The following KCND2 variants were observed in gnomAD, a reference collection of about 807,000 sequenced individuals.
KCND2 encodes the protein potassium voltage-gated channel subfamily D member 2.
KCND2 carries 16 observed loss-of-function variants against 54.4 expected under a neutral mutation model. The observed-to-expected ratio is 0.29, with a 90% CI of 0.20 to 0.45. The LOEUF is 0.45. KCND2 is among the 20% of genes least tolerant of loss of function. The probability of loss-of-function intolerance (pLI) is 1.00; values close to 1 mark genes in which losing one functional copy is unlikely to be tolerated. For synonymous variants in KCND2, 317 were observed against 310.7 expected (o/e 1.02, Z -0.21); for missense variants, 486 against 824.2 (o/e 0.59, Z 5.02).
At chr7:120,662,478 T>C (rs898044901) in intron 1 of KCND2, among the ~76,000 whole-genome samples, 1 of 152,218 alleles carries the variant, frequency 6.6e-6, no homozygotes, top group Non-Finnish European at 1.5e-5. Context: ...CATTCCATTC[T>C]TTGTGATGCA....
At chr7:120,396,802 A>G (rs1188284898) in intron 1 of KCND2, among the ~76,000 whole-genome samples, 2 of 152,178 alleles carry the variant, frequency 1.3e-5, no homozygotes, top group African/African-American at 2.4e-5. Flanking sequence ...CTTACATACC[A>G]CAGACATTAT....
chr7:120,592,882 A>AT (rs1792688818), intron 1 of KCND2, among the ~76,000 whole-genome samples: 1 of 152,178 alleles, frequency 6.6e-6, no homozygotes, highest in African/African-American at 2.4e-5. Context: ...TAATACATTT[A>AT]TTTTATGAAA....
At chr7:120,294,144 T>A (rs1799475644) in intron 1 of KCND2, among the ~76,000 whole-genome samples, 1 of 152,004 alleles carries the variant, frequency 6.6e-6, no homozygotes, top group African/African-American at 2.4e-5. Context: ...CATGGAGGCT[T>A]GTTTATTTCA....
intron 1 of KCND2, among the ~76,000 whole-genome samples, chr7:120,595,463 ATAT>A (rs1562883155): frequency 3.5e-5 from 4 of 112,834 alleles, no homozygotes; most frequent in African/African-American, 9.5e-5. Context: ...AAAAAAAAAT[ATAT>A]ATATATATAT....
chr7:120,490,870 G>A (rs1802768766), intron 1 of KCND2, among the ~76,000 whole-genome samples: 1 of 152,164 alleles, frequency 6.6e-6, no homozygotes, highest in Admixed American at 6.6e-5. Context: ...TCCTGCTAAA[G>A]TAAGTAAACC....
Position 120,420,920 on chromosome 7 carries a change from A to T in KCND2, c.1115+145173A>T, listed in dbSNP as rs73722602. Among the ~76,000 whole-genome samples the T allele has an allele frequency of 4.9e-3, 748 of 152,284 alleles. 6 individuals are homozygous for T. Among genetic ancestry groups the T allele is most frequent in the African/African-American group, 0.017 (707 of 41,558 alleles). ...CTATGTGACATCGGCAGAGACTTGT[A>T]AGAGAACAAATTGAACTGTGGAGTG... is the stretch of plus-strand genomic sequence containing the variant. On this transcript the variant is annotated intron_variant, in intron 1 of 5. Coordinates refer to ENST00000331113, the MANE Select transcript of KCND2 (RefSeq NM_012281.3).
intron 1 of KCND2, among the ~76,000 whole-genome samples, chr7:120,585,571 A>G (rs576280813): frequency 6.6e-6 from 1 of 152,288 alleles, no homozygotes; most frequent in Admixed American, 6.5e-5. Flanking sequence ...AGTTTGCACC[A>G]TACATTAAGT....
chr7:120,311,131 G>A (rs1043347287), intron 1 of KCND2, among the ~76,000 whole-genome samples: 2 of 151,778 alleles, frequency 1.3e-5, no homozygotes, highest in Non-Finnish European at 2.9e-5. Context: ...TGACATATAC[G>A]GTTTGTTTCC....
intron 1 of KCND2, among the ~76,000 whole-genome samples, chr7:120,669,937 C>T (rs956155738): frequency 2.0e-5 from 3 of 152,050 alleles, no homozygotes; most frequent in Non-Finnish European, 4.4e-5. Flanking sequence ...GATGAGTCTA[C>T]TGCCTATAAA....
intron 1 of KCND2, among the ~76,000 whole-genome samples, chr7:120,573,469 C>A (rs1479759302): frequency 6.6e-6 from 1 of 152,146 alleles, no homozygotes; most frequent in Non-Finnish European, 1.5e-5. Context: ...TGAGGCCTAG[C>A]CCTGAAACAA....
At chr7:120,338,193 G>C (rs1201693271) in intron 1 of KCND2, among the ~76,000 whole-genome samples, 1 of 151,898 alleles carries the variant, frequency 6.6e-6, no homozygotes, top group Non-Finnish European at 1.5e-5. Flanking sequence ...GTCTTAGTGT[G>C]GTACGCTAAT....
chr7:120,659,716 T>A (rs1791843219), intron 1 of KCND2, among the ~76,000 whole-genome samples: 1 of 152,204 alleles, frequency 6.6e-6, no homozygotes, highest in South Asian at 2.1e-4. Context: ...CATGGGACAT[T>A]GGTTCCAGGA....
chr7:120,516,352 A>G (rs527978581), intron 1 of KCND2, among the ~76,000 whole-genome samples: 21 of 152,262 alleles, frequency 1.4e-4, no homozygotes, highest in African/African-American at 4.8e-4. Context: ...TTATCTGTCC[A>G]TATAATTACA....
At chr7:120,405,580 A>C (rs1801338929) in intron 1 of KCND2, among the ~76,000 whole-genome samples, 1 of 152,162 alleles carries the variant, frequency 6.6e-6, no homozygotes, top group South Asian at 2.1e-4. Context: ...TAAATGTTTC[A>C]AGTAAAAATG....
chr7:120,611,858 G>A (rs1313569917), intron 1 of KCND2, among the ~76,000 whole-genome samples: 2 of 152,152 alleles, frequency 1.3e-5, no homozygotes, highest in Admixed American at 1.3e-4. Context: ...GATGTTAGAA[G>A]AGAAATGGAT....
chr7:120,332,120 A>C (rs1227090312), intron 1 of KCND2, among the ~76,000 whole-genome samples: 1 of 152,070 alleles, frequency 6.6e-6, no homozygotes, highest in Non-Finnish European at 1.5e-5. Context: ...AATTGATATC[A>C]TTAATTATCT....
intron 1 of KCND2, among the ~76,000 whole-genome samples, chr7:120,335,386 G>GAAC (rs1800132796): frequency 6.9e-6 from 1 of 145,332 alleles, no homozygotes; most frequent in African/African-American, 2.5e-5. Context: ...AGAAGGATAG[G>GAAC]AACCATATAA....
chr7:120,453,605 A>T (rs1802149024), intron 1 of KCND2, among the ~76,000 whole-genome samples: 1 of 152,218 alleles, frequency 6.6e-6, no homozygotes, highest in Non-Finnish European at 1.5e-5. Flanking sequence ...AGAAATCAAT[A>T]CTAAGAAAAT....
intron 2 of KCND2, among the ~76,000 whole-genome samples, chr7:120,735,452 A>G (rs1020325720): frequency 6.6e-6 from 1 of 152,124 alleles, no homozygotes; most frequent in African/African-American, 2.4e-5. Flanking sequence ...TTAGTATAAG[A>G]GCCAACTGTA....
Sources: gnomAD v4.1 joint callset for allele counts (sites outside exome capture counted in the v4.1 genomes callset) on GRCh38, gnomAD v4.1.1 for gene constraint, MANE v1.5 for transcripts, NCBI Gene and HGNC (gene_info 2026-07-23, HGNC 2026-07-21) for gene names.